The following SYNPO variants were observed in gnomAD, a reference collection of about 807,000 sequenced individuals.
SYNPO encodes synaptopodin.
In SYNPO, 19 loss-of-function variants were observed where a neutral mutation model predicts 49.5. That is an observed-to-expected ratio of 0.38 (90% CI 0.27 to 0.56). SYNPO has a LOEUF of 0.56. SYNPO is among the 20% of genes least tolerant of loss of function. The pLI, the probability that SYNPO is intolerant of heterozygous loss-of-function variation, is 0.68. For synonymous variants in SYNPO, 536 were observed against 548.0 expected (o/e 0.98, Z 0.31); for missense variants, 1,131 against 1,248.3 (o/e 0.91, Z 1.42).
upstream of SYNPO, among the ~76,000 whole-genome samples, chr5:150,600,273 T>A (rs1436972104): frequency 6.6e-6 from 1 of 152,230 alleles, no homozygotes; most frequent in Non-Finnish European, 1.5e-5. Context: ...CCAGCCCTGC[T>A]GACGTCACCC....
intron 1 of SYNPO, among the ~76,000 whole-genome samples, chr5:150,642,518 C>A (rs1259460036): frequency 6.6e-6 from 1 of 152,014 alleles, no homozygotes; most frequent in Non-Finnish European, 1.5e-5. Flanking sequence ...GCTACCTCCC[C>A]ACCCCCACCT....
the SYNPO span, among the ~76,000 whole-genome samples, chr5:150,589,063 A>T: frequency 6.9e-6 from 1 of 145,260 alleles, no homozygotes; most frequent in Non-Finnish European, 1.5e-5. Flanking sequence ...TGCTTTATAG[A>T]TTTTTTTTTT....
intron 1 of SYNPO, among the ~76,000 whole-genome samples, chr5:150,607,078 G>A (rs1168613668): frequency 6.6e-6 from 1 of 152,062 alleles, no homozygotes; most frequent in East Asian, 1.9e-4. Context: ...CTTGAGTCTG[G>A]GCTCCAGTCC....
the SYNPO span, among the ~76,000 whole-genome samples, chr5:150,591,288 G>A: frequency 6.6e-6 from 1 of 152,232 alleles, no homozygotes; most frequent in South Asian, 2.1e-4. Flanking sequence ...AGCCCGGGAC[G>A]GGGAGGCTGT....
intron 2 of SYNPO, among the ~76,000 whole-genome samples, chr5:150,632,750 G>C (rs1302535736): frequency 6.6e-6 from 1 of 152,130 alleles, no homozygotes; most frequent in Non-Finnish European, 1.5e-5. Flanking sequence ...CTTCCCCTTG[G>C]AATCCCTGAA....
Position 150,648,852 on chromosome 5 carries a change from C to A in SYNPO, c.577C>A (p.Leu193Ile). The part of the protein sequence containing the change: ...PASDFMSSSL[L>I]IDIQPNTLVV... ...CTCAGATTTCATGTCCAGCTCCCTG[C>A]TCATTGACATCCAGCCCAACACCCT... Residue 193 changes from leucine to isoleucine, a missense_variant, in exon 2 of 3, where the codon CTC becomes ATC. Physicochemically the swap from Leu to Ile is conservative, Grantham distance 5. Around this residue, in one of 4 missense-constraint regions of SYNPO, gnomAD observed 602 missense variants for 720.7 expected, o/e 0.84. Coordinates refer to ENST00000307662, the MANE Select transcript of SYNPO (RefSeq NM_007286.6). This position sits in a 1 kb window ranked among gnomAD's most constrained non-coding sequence, Gnocchi z 5.0. 3 of 1,614,212 alleles carry A rather than the reference C, an allele frequency of 1.9e-6. No individual in the cohort carries two copies. The highest frequency in any genetic ancestry group is 2.5e-6 in the Non-Finnish European group (3 of 1,180,040).
chr5:150,589,377 C>A, the SYNPO span, among the ~76,000 whole-genome samples: 7 of 152,280 alleles, frequency 4.6e-5, no homozygotes, highest in South Asian at 1.2e-3. Context: ...CAGATAATTT[C>A]TGAGCAGCAC....
At chr5:150,635,236 G>T (rs1323394562) in intron 2 of SYNPO, among the ~76,000 whole-genome samples, 3 of 152,266 alleles carry the variant, frequency 2.0e-5, no homozygotes, top group African/African-American at 4.8e-5. Flanking sequence ...CCCCTCTGTG[G>T]GTGTGCATGC....
chr5:150,605,992 TAC>T (rs1756683168), intron 1 of SYNPO, among the ~76,000 whole-genome samples: 1 of 151,836 alleles, frequency 6.6e-6, no homozygotes, highest in African/African-American at 2.4e-5. Context: ...TTACACAGAT[TAC>T]ACACAGACAC....
At chr5:150,651,005 C>G in intron 2 of SYNPO, 1 of 1,235,502 alleles carries the variant, frequency 8.1e-7, no homozygotes, top group South Asian at 4.1e-5. Flanking sequence ...TTCCTGCCCC[C>G]TCTGAGGCCT....
chr5:150,656,380 C>A, intron 2 of SYNPO, 24 bp from the exon 3 acceptor site: 1 of 1,512,282 alleles, frequency 6.6e-7, no homozygotes, highest in Non-Finnish European at 8.8e-7. Context: ...AATGCCTGCC[C>A]CACCCTCTCT....
At position 150,649,649 on chromosome 5, in the gene SYNPO, A is replaced by T. The variant is rs780868219; in HGVS notation, c.1374A>T (p.Ser458=). The T allele has an allele frequency of 1.2e-6, 2 of 1,608,648 alleles. No homozygotes were observed. Among genetic ancestry groups the T allele is most frequent in the Admixed American group, 3.3e-5 (2 of 59,980 alleles). ...VVPEWASCLK[S]PRIQAKPKPK... Reference sequence around the variant, plus strand: ...CAGAGTGGGCCTCCTGCCTCAAGTCACCCCGCATCCAGGCCAAGCCGAAGC... The same window carrying T: ...CAGAGTGGGCCTCCTGCCTCAAGTCTCCCCGCATCCAGGCCAAGCCGAAGC... The change falls in exon 2 of 3, where the codon TCA becomes TCT. Residue 458 remains serine (S), a synonymous_variant. Transcript: ENST00000307662.
intron 1 of SYNPO, among the ~76,000 whole-genome samples, chr5:150,612,737 T>A (rs1416643214): frequency 1.3e-5 from 2 of 152,190 alleles, no homozygotes; most frequent in Non-Finnish European, 2.9e-5. Context: ...TCCATATACA[T>A]CAGCTATTAT....
At chr5:150,615,016 C>G (rs1352200002) in intron 1 of SYNPO, 2 of 152,248 alleles carry the variant, frequency 1.3e-5, no homozygotes, top group Non-Finnish European at 2.9e-5. Context: ...ATAGACTGCA[C>G]TGACACAGCA....
At chr5:150,651,778 T>A in intron 2 of SYNPO, 7 of 1,000,394 alleles carry the variant, frequency 7.0e-6, no homozygotes, top group Non-Finnish European at 8.4e-6. Flanking sequence ...TAGGTCTCAG[T>A]TTCCACATTC....
chr5:150,646,645 A>G (rs949174699), intron 1 of SYNPO, among the ~76,000 whole-genome samples: 2 of 152,032 alleles, frequency 1.3e-5, no homozygotes, highest in Admixed American at 6.6e-5. Flanking sequence ...GAATCACTTG[A>G]TCCCAGGATG....
chr5:150,598,758 C>G (rs1756469291), upstream of SYNPO, among the ~76,000 whole-genome samples: 2 of 152,156 alleles, frequency 1.3e-5, no homozygotes, highest in African/African-American at 4.8e-5. Context: ...AGAGACAACA[C>G]AACTCATGGA....
At chr5:150,651,297 G>C (rs1581517702) in intron 2 of SYNPO, 6 of 1,000,830 alleles carry the variant, frequency 6.0e-6, no homozygotes, top group Middle Eastern at 5.1e-4. Context: ...GAGGGTTCCG[G>C]TCCCATGTCA....
chr5:150,598,970 C>A (rs951673690), upstream of SYNPO, among the ~76,000 whole-genome samples: 1 of 152,266 alleles, frequency 6.6e-6, no homozygotes, highest in South Asian at 2.1e-4. Context: ...GGCCGGGGGA[C>A]CTGCTGTCGG....
Sources: allele counts gnomAD v4.1 joint callset (sites outside exome capture counted in the v4.1 genomes callset), GRCh38; gene constraint gnomAD v4.1.1; regional missense constraint gnomAD v4.1.1; non-coding constraint Gnocchi (gnomAD v3.1); transcripts MANE v1.5; gene names NCBI Gene and HGNC (gene_info 2026-07-23, HGNC 2026-07-21).